Variants in AEBP2 observed in about 807,000 individuals in gnomAD.
AEBP2 encodes the protein AE binding protein 2.
Under a neutral mutation model 50.8 loss-of-function variants are expected in AEBP2, and 10 were observed. The ratio of observed to expected loss-of-function variants is 0.20; its 90% confidence interval spans 0.12 to 0.33. AEBP2 has a LOEUF of 0.33. Ranked by LOEUF, AEBP2 falls within the 10% of genes least tolerant of loss-of-function variation. The pLI, the probability that AEBP2 is intolerant of heterozygous loss-of-function variation, is 1.00. For missense variants in AEBP2, 570 were observed against 688.0 expected (o/e 0.83, Z 1.92); for synonymous variants, 296 against 261.3 (o/e 1.13, Z -1.28).
intron 1 of AEBP2, among the ~76,000 whole-genome samples, chr12:19,423,911 G>A (rs2153364650): frequency 6.6e-6 from 1 of 152,312 alleles, no homozygotes; most frequent in South Asian, 2.1e-4. Context: ...CTCATGTTAT[G>A]TGAGACGGAA....
rs1464831177 is a variant in AEBP2 at position 19,440,320 on chromosome 12, G to A, written c.621G>A (p.Leu207=). 2 of 1,467,054 alleles carry A rather than the reference G, an allele frequency of 1.4e-6. No individual in the cohort carries two copies. The highest frequency in any genetic ancestry group is 1.8e-6 in the Non-Finnish European group (2 of 1,117,580). 90.9% of individuals were successfully genotyped at this position (1,467,054 alleles called of 1,614,324 possible). ...SATSGGRRGS[L]EMSSDGEPLS... Reference sequence around the variant, plus strand: ...CCTCCGGGGGCCGGCGGGGCAGCTTGGAGATGTCGTCGGATGGGGAACCCC... The same window carrying A: ...CCTCCGGGGGCCGGCGGGGCAGCTTAGAGATGTCGTCGGATGGGGAACCCC... Residue 207 remains leucine, a synonymous_variant, in exon 1 of 8, where the codon TTG becomes TTA. Transcript: ENST00000266508.
intron 4 of AEBP2, among the ~76,000 whole-genome samples, chr12:19,499,267 T>C (rs958952694): frequency 3.9e-5 from 6 of 152,334 alleles, no homozygotes; most frequent in African/African-American, 1.4e-4. Context: ...TTTGTAATTT[T>C]ATTAGATCAT....
chr12:19,405,180 C>A (rs760802223), intron 1 of AEBP2, among the ~76,000 whole-genome samples: 3 of 151,988 alleles, frequency 2.0e-5, no homozygotes, highest in Non-Finnish European at 4.4e-5. Context: ...CTGTCCGACT[C>A]GTCCTCCCAA....
At chr12:19,434,971 C>T (rs1194492797), upstream of AEBP2, among the ~76,000 whole-genome samples, 3 of 152,130 alleles carry the variant, frequency 2.0e-5, no homozygotes, top group Admixed American at 6.6e-5. Flanking sequence ...TGTGTCTAAT[C>T]TCCATTCACT....
rs560884996 is a variant in AEBP2, at chr12:19,503,029, G to A, written c.1299+2808G>A. On this transcript the variant is annotated intron_variant, in intron 5 of 7. Coordinates refer to ENST00000266508, the MANE Select transcript of AEBP2 (RefSeq NM_153207.5). ...GTAGTTTGAAGTCGGGTAAGGTGGT[G>A]TCTCTGGCTTTGTTCTTTTTGCTTA... Among the ~76,000 whole-genome samples, 10 of 152,268 alleles carry A rather than the reference G, an allele frequency of 6.6e-5. No individual in the cohort carries two copies. The South Asian group carries it at 1.9e-3, about 28-fold the overall frequency.
intron 5 of AEBP2, among the ~76,000 whole-genome samples, chr12:19,504,396 C>T (rs1235076658): frequency 6.6e-6 from 1 of 150,486 alleles, no homozygotes; most frequent in African/African-American, 2.4e-5. Flanking sequence ...CCCACCACGC[C>T]TGGCTAATTT....
intron 1 of AEBP2, chr12:19,456,308 G>A (rs1462659309): frequency 2.0e-6 from 3 of 1,493,394 alleles, no homozygotes; most frequent in Admixed American, 3.4e-5. Flanking sequence ...CAGCCTTCTT[G>A]TTCACTGCTT....
chr12:19,429,577 G>C (rs560965991), intron 1 of AEBP2, among the ~76,000 whole-genome samples: 1 of 152,170 alleles, frequency 6.6e-6, no homozygotes, highest in Non-Finnish European at 1.5e-5. Context: ...TGGTTGAACT[G>C]ATTTACAGTC....
At chr12:19,435,780 A>G (rs910386523), upstream of AEBP2, among the ~76,000 whole-genome samples, 4 of 152,158 alleles carry the variant, frequency 2.6e-5, no homozygotes, top group African/African-American at 9.7e-5. Context: ...TCGAAATCCT[A>G]CATTTTTCAT....
rs1026080231 is a variant in AEBP2, at chr12:19,500,259, CT to C, written c.1299+41del. On this transcript the variant is annotated intron_variant, in intron 5 of 7. Coordinates refer to ENST00000266508, the MANE Select transcript of AEBP2 (RefSeq NM_153207.5). ...TTATTTTTTCAAATTAAATATAAAA[CT>C]TTGCAAAAAAATATTTCCACAATCA... 1.0e-5 allele frequency: 14 copies of C among 1,384,134 alleles called. No individual in the cohort carries two copies. The Admixed American group carries it at 2.4e-4, about 24-fold the overall frequency. 85.7% of individuals were successfully genotyped at this position (1,384,134 alleles called of 1,614,324 possible).
intron 3 of AEBP2, among the ~76,000 whole-genome samples, chr12:19,493,445 C>G (rs1251919000): frequency 6.6e-6 from 1 of 152,058 alleles, no homozygotes; most frequent in Non-Finnish European, 1.5e-5. Context: ...GCCAGGATAT[C>G]TAATTATTTG....
rs1267960102 is a variant in AEBP2, at chr12:19,456,769, C to T, written c.672-5741C>T. 3 of 1,587,476 alleles carry T rather than the reference C, an allele frequency of 1.9e-6. No individual in the cohort carries two copies. In the African/African-American group the frequency reaches 4.0e-5, roughly 21 times the overall value. On this transcript the variant is annotated intron_variant, in intron 1 of 7. Coordinates refer to ENST00000266508, the MANE Select transcript of AEBP2 (RefSeq NM_153207.5). ...TCATGGTGCATTTCGACAGATTTTA[C>T]TTCAGTTTTAATGTTGACTGGAGCA...
At chr12:19,418,394 T>TC (rs1399790688) in intron 1 of AEBP2, among the ~76,000 whole-genome samples, 1 of 147,206 alleles carries the variant, frequency 6.8e-6, no homozygotes, top group Non-Finnish European at 1.5e-5. Context: ...CCTGGCTTTT[T>TC]TTTTTTTTTT....
intron 1 of AEBP2, among the ~76,000 whole-genome samples, chr12:19,429,338 T>G (rs2095750227): frequency 6.6e-6 from 1 of 152,196 alleles, no homozygotes; most frequent in Admixed American, 6.5e-5. Flanking sequence ...TAGTATTCCT[T>G]GGTGTATATG....
At chr12:19,465,350 C>T (rs1034218060) in intron 2 of AEBP2, among the ~76,000 whole-genome samples, 5 of 151,788 alleles carry the variant, frequency 3.3e-5, no homozygotes, top group African/African-American at 7.3e-5. Flanking sequence ...GCTGAGATCA[C>T]GCCACTGCAC....
Position 19,514,690 on chromosome 12 carries a change from A to G in AEBP2, c.1387A>G (p.Asn463Asp), listed in dbSNP as rs760318440. 1 of 1,608,562 alleles carries G rather than the reference A, an allele frequency of 6.2e-7. No individual in the cohort carries two copies. Among genetic ancestry groups the G allele is most frequent in the Non-Finnish European group, 8.5e-7 (1 of 1,177,432 alleles). ...PEDILPDVWV[N>D]ESERHQLKTK... ...TCATAGTCTGCCTGATGTGTGGGTG[A>G]ATGAAAGTGAACGACATCAGTTAAA... Residue 463 changes from asparagine (N) to aspartate (D), a missense_variant, in exon 7 of 8, where the codon AAT becomes GAT. This residue lies in a region of AEBP2 where 184 missense variants were observed against 351.2 expected (regional missense o/e 0.52). Coordinates refer to ENST00000266508, the MANE Select transcript of AEBP2 (RefSeq NM_153207.5).
intron 1 of AEBP2, among the ~76,000 whole-genome samples, chr12:19,416,921 G>A (rs935125442): frequency 1.3e-5 from 2 of 150,468 alleles, no homozygotes; most frequent in Non-Finnish European, 2.9e-5. Context: ...GCCCGGGCTG[G>A]AGTGCAGTGG....
chr12:19,464,851 A>C (rs1418682728), intron 2 of AEBP2, among the ~76,000 whole-genome samples: 1 of 151,916 alleles, frequency 6.6e-6, no homozygotes, highest in East Asian at 1.9e-4. Flanking sequence ...CGGCCTCCCA[A>C]AGTGCTAGGA....
In AEBP2 at chr12:19,439,992, A is replaced by T; in HGVS notation, c.293A>T (p.Asp98Val). ...ESASQAGEDE[D>V]EEEDDEEEED... ...GCCAGCCAGGCCGGGGAGGACGAAG[A>T]CGAGGAGGAGGACGACGAGGAGGAG... Residue 98 changes from aspartate (D) to valine (V), a missense_variant, in exon 1 of 8, where the codon GAC becomes GTC. Asp to Val is a radical substitution (Grantham distance 152). This residue lies in a region of AEBP2 where 386 missense variants were observed against 336.8 expected (regional missense o/e 1.15). Transcript: ENST00000266508. The T allele has an allele frequency of 2.0e-6, 3 of 1,522,690 alleles. No individual in the cohort carries two copies. The highest frequency in any genetic ancestry group is 1.8e-6 in the Non-Finnish European group (2 of 1,141,540). The allele number at this position is 1,522,690 out of a possible 1,614,324, so 94.3% of individuals were successfully genotyped here.
Sources: allele counts gnomAD v4.1 joint callset (sites outside exome capture counted in the v4.1 genomes callset), GRCh38; gene constraint gnomAD v4.1.1; regional missense constraint gnomAD v4.1.1; transcripts MANE v1.5; gene names NCBI Gene and HGNC (gene_info 2026-07-23, HGNC 2026-07-21).